AGMO: variants seen among roughly 807,000 people sequenced by gnomAD.
AGMO encodes glyceryl-ether monooxygenase.
A neutral mutation model predicts 60.2 loss-of-function variants in AGMO; 75 were observed. The ratio of observed to expected loss-of-function variants is 1.25; its 90% CI spans 1.03 to 1.51. AGMO has a LOEUF of 1.51. AGMO is among the 40% of genes most tolerant of loss of function. The pLI is 0.00. For synonymous variants in AGMO, 261 were observed against 177.1 expected (o/e 1.47, Z -3.76); for missense variants, 763 against 525.5 (o/e 1.45, Z -4.42).
chr7:15,145,764 T>C, the AGMO span, among the ~76,000 whole-genome samples: 1 of 152,164 alleles, frequency 6.6e-6, no homozygotes, highest in Admixed American at 6.5e-5. Flanking sequence ...GGATATTCTG[T>C]AACAGAAATT....
intron 12 of AGMO, among the ~76,000 whole-genome samples, chr7:15,216,632 C>T (rs904105642): frequency 4.6e-5 from 7 of 151,966 alleles, no homozygotes; most frequent in Admixed American, 2.0e-4. Flanking sequence ...AATAACAAAA[C>T]TCATTTGGTC....
At chr7:15,411,054 T>C (rs980755288) in intron 5 of AGMO, among the ~76,000 whole-genome samples, 4 of 152,014 alleles carry the variant, frequency 2.6e-5, no homozygotes, top group South Asian at 2.1e-4. Flanking sequence ...AATTTATTAA[T>C]ACTATTACTA....
the AGMO span, among the ~76,000 whole-genome samples, chr7:15,124,759 C>T: frequency 6.6e-6 from 1 of 152,030 alleles, no homozygotes; most frequent in Non-Finnish European, 1.5e-5. Flanking sequence ...TTAACCACTT[C>T]TCAGGATGTT....
the AGMO span, among the ~76,000 whole-genome samples, chr7:15,151,659 G>A: frequency 6.6e-6 from 1 of 152,108 alleles, no homozygotes; most frequent in Admixed American, 6.6e-5. Context: ...ATTGTGTCGT[G>A]ATGTGAGAGT....
intron 12 of AGMO, among the ~76,000 whole-genome samples, chr7:15,350,367 T>A (rs866150220): frequency 2.2e-4 from 33 of 152,246 alleles, no homozygotes; most frequent in Middle Eastern, 3.4e-3. Context: ...AAAATCCACA[T>A]TAGGTTTTAA....
intron 10 of AGMO, among the ~76,000 whole-genome samples, chr7:15,367,436 GT>G (rs1451410091): frequency 1.3e-5 from 2 of 151,868 alleles, no homozygotes; most frequent in Non-Finnish European, 2.9e-5. Flanking sequence ...TGGCAGAGTA[GT>G]TGTCATTATA....
At chr7:15,180,935 A>T in the AGMO span, among the ~76,000 whole-genome samples, 1 of 152,190 alleles carries the variant, frequency 6.6e-6, no homozygotes, top group South Asian at 2.1e-4. Context: ...GAAAGGGTGA[A>T]AAGGCTCACA....
intron 5 of AGMO, chr7:15,396,245 G>C (rs994247320): frequency 6.6e-6 from 1 of 152,294 alleles, no homozygotes; most frequent in African/African-American, 2.4e-5. Flanking sequence ...CCCTCGCAGT[G>C]AGTGCTACAG....
the AGMO span, among the ~76,000 whole-genome samples, chr7:15,171,196 T>C: frequency 8.5e-5 from 13 of 152,070 alleles, no homozygotes; most frequent in Admixed American, 2.0e-4. Context: ...TTAGCCAGGA[T>C]GGTCTGGATC....
At chr7:15,304,810 C>T (rs1780562810) in intron 12 of AGMO, among the ~76,000 whole-genome samples, 1 of 151,896 alleles carries the variant, frequency 6.6e-6, no homozygotes, top group Non-Finnish European at 1.5e-5. Flanking sequence ...TCCTCTAAGC[C>T]CACCATCATA....
chr7:15,334,254 T>C (rs899388919), intron 12 of AGMO, among the ~76,000 whole-genome samples: 3 of 151,478 alleles, frequency 2.0e-5, no homozygotes, highest in Non-Finnish European at 4.4e-5. Flanking sequence ...CTGAAATCTT[T>C]CTGAAGTTTT....
the AGMO span, among the ~76,000 whole-genome samples, chr7:15,153,271 A>G: frequency 6.6e-6 from 1 of 151,282 alleles, no homozygotes; most frequent in Non-Finnish European, 1.5e-5. Flanking sequence ...GATTGTGAAG[A>G]TTTTCTCCCA....
At chr7:15,502,509 G>C (rs1488657011) in intron 3 of AGMO, among the ~76,000 whole-genome samples, 1 of 151,980 alleles carries the variant, frequency 6.6e-6, no homozygotes, top group Non-Finnish European at 1.5e-5. Context: ...GTCGCTGATG[G>C]TTTTGAGGGT....
intron 3 of AGMO, among the ~76,000 whole-genome samples, chr7:15,460,812 C>A (rs1469842460): frequency 6.6e-6 from 1 of 151,896 alleles, no homozygotes; most frequent in African/African-American, 2.4e-5. Flanking sequence ...AAATATGAGA[C>A]AAAAAGAAGC....
intron 12 of AGMO, among the ~76,000 whole-genome samples, chr7:15,340,892 C>T (rs939464347): frequency 6.6e-6 from 1 of 152,100 alleles, no homozygotes; most frequent in African/African-American, 2.4e-5. Flanking sequence ...GTTCTCGAGA[C>T]CGCAGAATGG....
At chr7:15,150,831 A>T in the AGMO span, among the ~76,000 whole-genome samples, 3 of 152,074 alleles carry the variant, frequency 2.0e-5, no homozygotes, top group African/African-American at 7.2e-5. Flanking sequence ...AGAATGATTC[A>T]TAGGATGAAT....
At chr7:15,314,847 T>C (rs111554035) in intron 12 of AGMO, among the ~76,000 whole-genome samples, 128 of 152,192 alleles carry the variant, frequency 8.4e-4, no homozygotes, top group African/African-American at 2.9e-3. Flanking sequence ...AACAGTGAAC[T>C]TTCTCTTGCT....
intron 12 of AGMO, among the ~76,000 whole-genome samples, chr7:15,316,405 G>A (rs922366532): frequency 2.6e-5 from 4 of 152,080 alleles, no homozygotes; most frequent in East Asian, 1.9e-4. Context: ...AAAACTGGGG[G>A]CCCACTTGAG....
chr7:15,242,882 T>C (rs890931057), intron 12 of AGMO, among the ~76,000 whole-genome samples: 6 of 152,054 alleles, frequency 3.9e-5, no homozygotes, highest in African/African-American at 1.4e-4. Context: ...TAAATGACAT[T>C]AAGTGTATAT....
Sources: allele counts gnomAD v4.1 joint callset (sites outside exome capture counted in the v4.1 genomes callset), GRCh38; gene constraint gnomAD v4.1.1; transcripts MANE v1.5; gene names NCBI Gene and HGNC (gene_info 2026-07-23, HGNC 2026-07-21).